PTPRD: variants seen among roughly 807,000 people sequenced by gnomAD.
PTPRD encodes the protein receptor-type tyrosine-protein phosphatase delta.
In PTPRD, 34 loss-of-function variants were observed where a neutral mutation model predicts 214.5. The observed-to-expected ratio is 0.16, with a 90% confidence interval of 0.12 to 0.21. PTPRD has a LOEUF of 0.21. Among genes scored for constraint, PTPRD ranks in the 10% least tolerant of loss-of-function variants. PTPRD has a pLI of 1.00. For missense variants in PTPRD, 2,545 were observed against 2,398.7 expected (o/e 1.06, Z -1.27); for synonymous variants, 1,128 against 845.7 (o/e 1.33, Z -5.79).
chr9:9,057,760 GC>G (rs1293426274), intron 10 of PTPRD, among the ~76,000 whole-genome samples: 3 of 152,132 alleles, frequency 2.0e-5, no homozygotes, highest in Non-Finnish European at 2.9e-5. Flanking sequence ...TTATCTATGA[GC>G]TTTTTGTGCA....
chr9:10,492,569 T>A (rs576666321), intron 2 of PTPRD, among the ~76,000 whole-genome samples: 27 of 152,292 alleles, frequency 1.8e-4, no homozygotes, highest in African/African-American at 6.0e-4. Context: ...TATTTGTCTT[T>A]TTCTTGTAAA....
chr9:9,206,049 A>G (rs527735276), intron 9 of PTPRD, among the ~76,000 whole-genome samples: 6 of 152,310 alleles, frequency 3.9e-5, no homozygotes, highest in Admixed American at 1.3e-4. Context: ...GAAAATGAGG[A>G]AGTAAGTTAT....
chr9:8,639,162 T>G (rs1286228973), intron 12 of PTPRD, among the ~76,000 whole-genome samples: 1 of 152,212 alleles, frequency 6.6e-6, no homozygotes, highest in Non-Finnish European at 1.5e-5. Flanking sequence ...TAAAATTGAC[T>G]AACAGTGAGA....
chr9:9,762,282 G>A (rs576643832), intron 6 of PTPRD, among the ~76,000 whole-genome samples: 1 of 152,182 alleles, frequency 6.6e-6, no homozygotes, highest in Non-Finnish European at 1.5e-5. Context: ...TCCCATCTTT[G>A]TCCCTTCAGT....
intron 27 of PTPRD, among the ~76,000 whole-genome samples, chr9:8,489,188 A>G (rs2097098585): frequency 6.6e-6 from 1 of 152,168 alleles, no homozygotes; most frequent in African/African-American, 2.4e-5. Flanking sequence ...GAAAAAACCC[A>G]CTGACTTTGT....
intron 9 of PTPRD, among the ~76,000 whole-genome samples, chr9:9,244,035 A>G (rs1428579922): frequency 4.6e-5 from 7 of 152,194 alleles, no homozygotes; most frequent in Admixed American, 3.9e-4. Context: ...TCCCATTCAC[A>G]ATTGCTTCAA....
intron 8 of PTPRD, among the ~76,000 whole-genome samples, chr9:9,514,394 G>A (rs1275776679): frequency 6.6e-6 from 1 of 152,042 alleles, no homozygotes; most frequent in Non-Finnish European, 1.5e-5. Context: ...TTGGAGCTGT[G>A]TGTGTAAAAC....
chr9:9,088,940 A>G (rs2154430084), intron 10 of PTPRD, among the ~76,000 whole-genome samples: 1 of 152,318 alleles, frequency 6.6e-6, no homozygotes, highest in Admixed American at 6.5e-5. Flanking sequence ...ATTGTAAAAC[A>G]CCTAGGACTG....
At chr9:9,040,576 A>G (rs2099636569) in intron 10 of PTPRD, among the ~76,000 whole-genome samples, 1 of 88,292 alleles carries the variant, frequency 1.1e-5, no homozygotes, top group South Asian at 3.3e-4. Flanking sequence ...CAGTTCCCGA[A>G]GAATTTTTTT....
At chr9:8,435,132 C>A (rs1321150527) in intron 35 of PTPRD, among the ~76,000 whole-genome samples, 1 of 152,172 alleles carries the variant, frequency 6.6e-6, no homozygotes, top group Non-Finnish European at 1.5e-5. Flanking sequence ...TGGTCTGGCT[C>A]TTGAGGGTGG....
rs75112293 is a variant in PTPRD, at chr9:8,568,451, T to A, written c.353-39672A>T. 3.1e-3 allele frequency among the ~76,000 whole-genome samples: 467 copies of A among 152,258 alleles called. 14 individuals are homozygous for A. The East Asian group carries it at 0.061, about 20-fold the overall frequency. On this transcript the variant is annotated intron_variant, in intron 14 of 45. Transcript: ENST00000381196. Reference sequence around the variant, plus strand: ...ATTCCTATTACTCCTAAATCACCTATAAAGAAATTGGTAATTAAGCTGCTA... The same window carrying A: ...ATTCCTATTACTCCTAAATCACCTAAAAAGAAATTGGTAATTAAGCTGCTA...
intron 7 of PTPRD, among the ~76,000 whole-genome samples, chr9:9,612,236 A>G (rs1211379877): frequency 6.6e-6 from 1 of 152,132 alleles, no homozygotes; most frequent in East Asian, 1.9e-4. Context: ...AACAGTACTG[A>G]AGCTTCTGAA....
intron 5 of PTPRD, among the ~76,000 whole-genome samples, chr9:9,844,636 G>A (rs1017036219): frequency 6.6e-6 from 1 of 151,822 alleles, no homozygotes; most frequent in Non-Finnish European, 1.5e-5. Flanking sequence ...TCATAACTAC[G>A]ACAAATTACA....
chr9:10,058,795 C>G (rs1434238871), intron 3 of PTPRD, among the ~76,000 whole-genome samples: 1 of 152,048 alleles, frequency 6.6e-6, no homozygotes, highest in African/African-American at 2.4e-5. Flanking sequence ...GCTGGATAGG[C>G]ACCATTGTTT....
At chr9:9,602,413 A>G (rs866292172) in intron 7 of PTPRD, among the ~76,000 whole-genome samples, 34 of 152,100 alleles carry the variant, frequency 2.2e-4, no homozygotes, top group South Asian at 1.2e-3. Context: ...ATTTTCTACA[A>G]TGTGTTAAGT....
intron 10 of PTPRD, among the ~76,000 whole-genome samples, chr9:9,065,202 T>C (rs1017764553): frequency 6.6e-6 from 1 of 152,132 alleles, no homozygotes; most frequent in Non-Finnish European, 1.5e-5. Flanking sequence ...TAGGAAGTGA[T>C]AGTGCTATGG....
intron 3 of PTPRD, among the ~76,000 whole-genome samples, chr9:10,215,392 C>G (rs753528017): frequency 6.6e-6 from 1 of 151,896 alleles, no homozygotes; most frequent in Non-Finnish European, 1.5e-5. Flanking sequence ...AAGATAGGTA[C>G]TAAAATATGA....
At chr9:9,938,880 A>C (rs558647398) in intron 4 of PTPRD, among the ~76,000 whole-genome samples, 29 of 152,224 alleles carry the variant, frequency 1.9e-4, no homozygotes, top group African/African-American at 6.3e-4. Flanking sequence ...ATTCCTATCC[A>C]TTTGGTATAA....
chr9:9,896,221 A>C (rs2074935279), intron 5 of PTPRD, among the ~76,000 whole-genome samples: 1 of 152,104 alleles, frequency 6.6e-6, no homozygotes, highest in South Asian at 2.1e-4. Context: ...ATAAAATATG[A>C]CTATTTCCAT....
Sources: allele counts gnomAD v4.1 joint callset (sites outside exome capture counted in the v4.1 genomes callset), GRCh38; gene constraint gnomAD v4.1.1; transcripts MANE v1.5; gene names NCBI Gene and HGNC (gene_info 2026-07-23, HGNC 2026-07-21).